The following BBS9 variants were observed in gnomAD, a reference collection of about 807,000 sequenced individuals.
The protein encoded by BBS9 is Bardet-Biedl syndrome 9.
Under a neutral mutation model 117.7 loss-of-function variants are expected in BBS9, and 89 were observed. That is an observed-to-expected ratio of 0.76 (90% CI 0.64 to 0.90). The LOEUF (loss-of-function observed/expected upper bound fraction) is 0.90. Among genes scored for constraint, BBS9 ranks in the 40% least tolerant of loss-of-function variants. BBS9 has a pLI of 0.00. For missense variants in BBS9, 982 were observed against 1,042.2 expected, an observed-to-expected ratio of 0.94 and a Z score of 0.80; for synonymous variants, 379 against 370.9, an observed-to-expected ratio of 1.02 and a Z score of -0.25.
intron 6 of BBS9, among the ~76,000 whole-genome samples, chr7:33,261,192 A>G (rs543789969): frequency 6.6e-6 from 1 of 152,038 alleles, no homozygotes; most frequent in Non-Finnish European, 1.5e-5. Context: ...ACCTAGATGT[A>G]ACCAACATCT....
At chr7:33,294,298 T>C (rs988744320) in intron 9 of BBS9, among the ~76,000 whole-genome samples, 1 of 24,424 alleles carries the variant, frequency 4.1e-5, no homozygotes, top group East Asian at 7.0e-4. Context: ...ATCATCTATC[T>C]ATCTATCTAT....
At chr7:33,488,878 A>T (rs762328018) in intron 19 of BBS9, among the ~76,000 whole-genome samples, 2 of 152,104 alleles carry the variant, frequency 1.3e-5, no homozygotes, top group Non-Finnish European at 2.9e-5. Context: ...AGTAGTTTTC[A>T]TATGAGGGAA....
intron 20 of BBS9, among the ~76,000 whole-genome samples, chr7:33,530,945 C>A (rs1003599062): frequency 7.2e-5 from 11 of 152,094 alleles, no homozygotes; most frequent in Admixed American, 7.2e-4. Flanking sequence ...GCACTTTGAT[C>A]TGAAGAACCA....
At chr7:33,479,394 G>T (rs1218033129) in intron 19 of BBS9, among the ~76,000 whole-genome samples, 1 of 152,098 alleles carries the variant, frequency 6.6e-6, no homozygotes, top group Non-Finnish European at 1.5e-5. Flanking sequence ...AATTCACTTA[G>T]GATAATGGTC....
At chr7:33,424,681 T>G (rs1833391182) in intron 19 of BBS9, among the ~76,000 whole-genome samples, 1 of 152,176 alleles carries the variant, frequency 6.6e-6, no homozygotes, top group Non-Finnish European at 1.5e-5. Context: ...TGTAGGAAAT[T>G]TTAATATGCA....
At chr7:33,409,447 T>G (rs1229537761) in intron 19 of BBS9, among the ~76,000 whole-genome samples, 1 of 152,176 alleles carries the variant, frequency 6.6e-6, no homozygotes, top group East Asian at 1.9e-4. Flanking sequence ...GTTAATGTGT[T>G]AAAGATTGAT....
chr7:33,584,726 A>G (rs765665337), intron 21 of BBS9, among the ~76,000 whole-genome samples: 9 of 152,128 alleles, frequency 5.9e-5, no homozygotes, highest in Non-Finnish European at 1.3e-4. Context: ...TTTTGCATAC[A>G]TATACATGCA....
chr7:33,294,290 C>CACCT (rs1554402349), intron 9 of BBS9, among the ~76,000 whole-genome samples: 1 of 141,208 alleles, frequency 7.1e-6, no homozygotes. Context: ...ATCTATCTAT[C>CACCT]ATCTATCTAT....
At chr7:33,305,482 A>G (rs964013262) in intron 9 of BBS9, among the ~76,000 whole-genome samples, 2 of 152,072 alleles carry the variant, frequency 1.3e-5, no homozygotes, top group Non-Finnish European at 2.9e-5. Context: ...TTTGAGTGGG[A>G]TTGTTATTAC....
chr7:33,588,604 A>C (rs1199087574), intron 21 of BBS9, among the ~76,000 whole-genome samples: 1 of 152,160 alleles, frequency 6.6e-6, no homozygotes, highest in African/African-American at 2.4e-5. Context: ...AAATAAGTGA[A>C]CTATGTATGT....
chr7:33,367,665 T>C, intron 16 of BBS9, 102 bp from the exon 17 acceptor site: 1 of 873,986 alleles, frequency 1.1e-6, no homozygotes. Flanking sequence ...TATACATGAC[T>C]AGTGACATAA....
chr7:33,608,165 A>G (rs905258061), downstream of BBS9, among the ~76,000 whole-genome samples: 1 of 151,964 alleles, frequency 6.6e-6, no homozygotes, highest in Non-Finnish European at 1.5e-5. Flanking sequence ...CTGTTCTGGC[A>G]TTAATTTGCT....
chr7:33,578,867 A>G (rs73690930), intron 21 of BBS9, among the ~76,000 whole-genome samples: 3,461 of 152,306 alleles, frequency 0.023, 109 homozygotes, highest in African/African-American at 0.077. Context: ...TTCAGAATAT[A>G]CTTAGCAAAG....
chr7:33,597,760 C>G (rs1863094029), intron 21 of BBS9, among the ~76,000 whole-genome samples: 1 of 151,690 alleles, frequency 6.6e-6, no homozygotes, highest in Non-Finnish European at 1.5e-5. Flanking sequence ...TTTGTGGCAT[C>G]AGTTCCCCTC....
intron 19 of BBS9, among the ~76,000 whole-genome samples, chr7:33,424,063 A>T (rs977054513): frequency 3.3e-5 from 5 of 152,318 alleles, no homozygotes; most frequent in Non-Finnish European, 5.9e-5. Context: ...ACTTGACATT[A>T]ACTAATGATG....
intron 15 of BBS9, 114 bp downstream of exon 15, chr7:33,352,987 G>C (rs1404835973): frequency 2.7e-6 from 3 of 1,118,966 alleles, no homozygotes; most frequent in Non-Finnish European, 3.9e-6. Flanking sequence ...TTAACTAGAA[G>C]AAGTTCTTTA....
chr7:33,527,393 C>G (rs980878995), intron 20 of BBS9, among the ~76,000 whole-genome samples: 8 of 152,120 alleles, frequency 5.3e-5, no homozygotes, highest in African/African-American at 1.2e-4. Context: ...TGCTAGCAAT[C>G]AGCGAGACTC....
intron 19 of BBS9, chr7:33,390,625 G>A (rs1375634714): frequency 1.0e-6 from 1 of 964,442 alleles, no homozygotes; most frequent in Non-Finnish European, 1.2e-6. Context: ...AGTTTCATGA[G>A]CATAATAAAG....
intron 19 of BBS9, among the ~76,000 whole-genome samples, chr7:33,404,296 C>A (rs1294740003): frequency 1.3e-5 from 2 of 152,066 alleles, no homozygotes; most frequent in Non-Finnish European, 2.9e-5. Context: ...CAGCTTTGTT[C>A]TTTTGGCTTA....
Sources: allele counts gnomAD v4.1 joint callset (sites outside exome capture counted in the v4.1 genomes callset), GRCh38; gene constraint gnomAD v4.1.1; transcripts MANE v1.5; gene names NCBI Gene and HGNC (gene_info 2026-07-23, HGNC 2026-07-21).